Variants in ENPEP observed in about 807,000 individuals in gnomAD.
The protein encoded by ENPEP is AP-A.
ENPEP carries 103 observed loss-of-function variants against 114.5 expected under a neutral mutation model. The observed-to-expected ratio is 0.90, with a 90% confidence interval of 0.77 to 1.06. The LOEUF is 1.06. ENPEP is among the 50% of genes least tolerant of loss of function. ENPEP has a pLI of 0.00. For missense variants in ENPEP, 1,196 were observed against 1,161.3 expected, an observed-to-expected ratio of 1.03 and a Z score of -0.43; for synonymous variants, 420 against 422.0, an observed-to-expected ratio of 1.00 and a Z score of 0.06.
In ENPEP at chr4:110,476,758, A is replaced by G. The variant is rs775978308; in HGVS notation, c.344A>G (p.Tyr115Cys). 4 of 1,614,176 alleles carry G rather than the reference A, an allele frequency of 2.5e-6. No individual in the cohort carries two copies. In the East Asian group the frequency reaches 8.9e-5, roughly 36 times the overall value. The part of the protein sequence containing the change: ...HVKPLLEEDT[Y>C]TGTVSISINL... ...AAGCCCCTGTTGGAGGAGGACACCT[A>G]CACGGGCACCGTGAGCATCTCCATC... Residue 115 changes from tyrosine to cysteine, a missense_variant, in exon 1 of 20, where the codon TAC becomes TGC. Tyr to Cys is a radical substitution (Grantham distance 194). Transcript: ENST00000265162.
intron 3 of ENPEP, among the ~76,000 whole-genome samples, chr4:110,504,953 C>G (rs1725318874): frequency 6.6e-6 from 1 of 152,192 alleles, no homozygotes; most frequent in South Asian, 2.1e-4. Context: ...CACCAAAGCA[C>G]TGAATATGTA....
intron 3 of ENPEP, among the ~76,000 whole-genome samples, chr4:110,501,335 A>G (rs1725147532): frequency 6.6e-6 from 1 of 152,074 alleles, no homozygotes; most frequent in African/African-American, 2.4e-5. Flanking sequence ...TTTGCTATAT[A>G]GTAAATTGCA....
intron 2 of ENPEP, among the ~76,000 whole-genome samples, chr4:110,490,112 C>G (rs774880015): frequency 4.6e-5 from 7 of 152,164 alleles, no homozygotes; most frequent in Non-Finnish European, 7.3e-5. Flanking sequence ...TGCTTAAGAA[C>G]TTCCCTTATG....
rs1727203625 is a variant in ENPEP at position 110,549,514 on chromosome 4, G to C, written c.2226-14G>C. 2.5e-6 allele frequency: 4 copies of C among 1,613,286 alleles called. No individual in the cohort carries two copies. In the East Asian group the frequency reaches 8.9e-5, roughly 36 times the overall value. On this transcript the variant is annotated splice_polypyrimidine_tract_variant and intron_variant, in intron 15 of 19. Transcript: ENST00000265162. ...TGCTTAAGGCCCTGGATTTGTGTTT[G>C]TTTGTTTTTTAAGGTTACTCCGTTC...
intron 11 of ENPEP, among the ~76,000 whole-genome samples, chr4:110,536,699 C>T (rs1187384089): frequency 1.3e-5 from 2 of 152,166 alleles, no homozygotes; most frequent in South Asian, 2.1e-4. Context: ...ACACTGGAGA[C>T]ACATTGACAG....
At chr4:110,514,951 C>T (rs748298919) in intron 7 of ENPEP, among the ~76,000 whole-genome samples, 16 of 152,058 alleles carry the variant, frequency 1.1e-4, no homozygotes, top group Non-Finnish European at 2.2e-4. Flanking sequence ...CTTCCCTCTG[C>T]TAAATATAAT....
chr4:110,506,729 T>C lies in ENPEP; in HGVS notation c.1011T>C (p.Phe337=), dbSNP rs370520363. The C allele has an allele frequency of 3.7e-5, 59 of 1,596,146 alleles. No individual in the cohort carries two copies. Among genetic ancestry groups the C allele is most frequent in the Non-Finnish European group, 4.7e-5 (55 of 1,165,576 alleles). The change falls in exon 4 of 20, where the codon TTT becomes TTC. Residue 337 remains phenylalanine (F), a synonymous_variant. Coordinates refer to ENST00000265162, the MANE Select transcript of ENPEP (RefSeq NM_001977.4). ...KSVFDYFEEY[F]AMNYSLPKLD... is the part of the protein sequence containing the mutation. ...TGTTTGATTATTTTGAAGAATACTTTGCTATGAATTATTCTCTTCCTAAAT... is the reference window on the plus strand; with the variant it reads ...TGTTTGATTATTTTGAAGAATACTTCGCTATGAATTATTCTCTTCCTAAAT...
intron 6 of ENPEP, among the ~76,000 whole-genome samples, chr4:110,510,589 CA>C (rs1233285309): frequency 1.5e-5 from 2 of 137,766 alleles, no homozygotes; most frequent in African/African-American, 5.5e-5. Context: ...CAGAGTCACT[CA>C]AAACACATTA....
intron 8 of ENPEP, among the ~76,000 whole-genome samples, chr4:110,518,740 G>T (rs1041057342): frequency 6.6e-6 from 1 of 152,104 alleles, no homozygotes; most frequent in Admixed American, 6.5e-5. Flanking sequence ...AGGTAGTTAG[G>T]GAGAGCAGTT....
rs557775089 is a variant in ENPEP, at chr4:110,559,662, C to T, written c.2658C>T (p.Asn886=). The T allele has an allele frequency of 2.5e-6, 4 of 1,613,324 alleles. No homozygotes were observed. Among genetic ancestry groups the T allele is most frequent in the East Asian group, 2.2e-5 (1 of 44,868 alleles). ...TTCTCTCCAGATATACACTCAATAA[C>T]AGAAACCTTGGCCGAATTGTCACAA... is the stretch of plus-strand genomic sequence containing the variant. ...DYLVNRYTLN[N]RNLGRIVTIA... The change falls in exon 19 of 20, where the codon AAC becomes AAT. Residue 886 remains asparagine, a synonymous_variant. Coordinates refer to ENST00000265162, the MANE Select transcript of ENPEP (RefSeq NM_001977.4).
In ENPEP at chr4:110,519,989, G is replaced by T; in HGVS notation, c.1510-19G>T. On this transcript the variant is annotated intron_variant, in intron 8 of 19. Coordinates refer to ENST00000265162, the MANE Select transcript of ENPEP (RefSeq NM_001977.4). The stretch of plus-strand genomic sequence containing the variant: ...AGCAAACATTGACTTCTAACATGCT[G>T]ATTATTTTTTACACACAGATGTACT... 2 of 1,607,502 alleles carry T rather than the reference G, an allele frequency of 1.2e-6. No individual in the cohort carries two copies. Among genetic ancestry groups the T allele is most frequent in the South Asian group, 2.2e-5 (2 of 90,036 alleles).
intron 4 of ENPEP, among the ~76,000 whole-genome samples, chr4:110,507,227 C>T (rs1211034914): frequency 6.6e-6 from 1 of 152,126 alleles, no homozygotes; most frequent in African/African-American, 2.4e-5. Flanking sequence ...TTCTAGATTC[C>T]CCAGCAGTTT....
rs140579658 is a variant in ENPEP at position 110,536,039 on chromosome 4, G to A, written c.1807+4762G>A. On this transcript the variant is annotated intron_variant, in intron 11 of 19. Coordinates refer to ENST00000265162, the MANE Select transcript of ENPEP (RefSeq NM_001977.4). ...GGAGAATTGCTTGAACCCGGGAGGCGGAGGTTGTAGTGAGCCGAGATTGCA... is the reference window on the plus strand; with the variant it reads ...GGAGAATTGCTTGAACCCGGGAGGCAGAGGTTGTAGTGAGCCGAGATTGCA... 7.4e-3 allele frequency among the ~76,000 whole-genome samples: 1,113 copies of A among 150,472 alleles called. 17 individuals carry two copies. Among genetic ancestry groups the A allele is most frequent in the African/African-American group, 0.025 (1,016 of 40,916 alleles).
chr4:110,518,237 C>A (rs540985081), intron 8 of ENPEP, among the ~76,000 whole-genome samples: 158 of 152,274 alleles, frequency 1.0e-3, no homozygotes, highest in African/African-American at 3.5e-3. Flanking sequence ...GAGAAGGGGA[C>A]ATTCATAACA....
intron 1 of ENPEP, among the ~76,000 whole-genome samples, chr4:110,483,231 GTTGT>G (rs1724381269): frequency 6.6e-6 from 1 of 152,048 alleles, no homozygotes; most frequent in Non-Finnish European, 1.5e-5. Context: ...ATCTAGAGGG[GTTGT>G]TTTTCACCAA....
chr4:110,509,929 A>G, intron 5 of ENPEP, 122 bp downstream of exon 5: 1 of 1,318,278 alleles, frequency 7.6e-7, no homozygotes, highest in African/African-American at 1.5e-5. Context: ...CTTGCATGAA[A>G]ATCTTTCTTG....
chr4:110,513,251 A>G, intron 6 of ENPEP, 164 bp from the exon 7 acceptor site: 2 of 637,336 alleles, frequency 3.1e-6, no homozygotes, highest in Non-Finnish European at 4.7e-6. Context: ...TGAAATCAAT[A>G]TAGCTCAATC....
chr4:110,506,616 T>A, intron 3 of ENPEP, 21 bp from the exon 4 acceptor site: 1 of 1,577,046 alleles, frequency 6.3e-7, no homozygotes, highest in South Asian at 1.2e-5. Flanking sequence ...TTCACTGAAT[T>A]TTTTGTGTTT....
At chr4:110,560,670 G>C (rs1265526555) in intron 19 of ENPEP, among the ~76,000 whole-genome samples, 1 of 152,044 alleles carries the variant, frequency 6.6e-6, no homozygotes, top group African/African-American at 2.4e-5. Flanking sequence ...ATGTAACTCT[G>C]GAACAAGTTG....
Sources: gnomAD v4.1 joint callset for allele counts (sites outside exome capture counted in the v4.1 genomes callset) on GRCh38, gnomAD v4.1.1 for gene constraint, MANE v1.5 for transcripts, NCBI Gene and HGNC (gene_info 2026-07-23, HGNC 2026-07-21) for gene names.